CADPS: variants seen among roughly 807,000 people sequenced by gnomAD.
The protein encoded by CADPS is calcium dependent secretion activator.
In CADPS, 57 loss-of-function variants were observed where a neutral mutation model predicts 167.3. That is an observed-to-expected ratio of 0.34 (90% CI 0.28 to 0.42). CADPS has a LOEUF of 0.42. Ranked by LOEUF, CADPS falls within the 20% of genes least tolerant of loss-of-function variation. CADPS has a pLI of 1.00. For missense variants in CADPS, 1,414 were observed against 1,738.1 expected (o/e 0.81, Z 3.32); for synonymous variants, 676 against 635.3 (o/e 1.06, Z -0.96).
chr3:62,544,780 G>T lies in CADPS; in HGVS notation c.1966+5123C>A. ...TGAGGAAGATTTAAGGGGGAGGGAA[G>T]CACATTGCAGGTGTCAGATAATCTA... On this transcript the variant is annotated intron_variant, in intron 11 of 29. Transcript: ENST00000383710. This position sits in a 1 kb window ranked among gnomAD's most constrained non-coding sequence, Gnocchi z 4.4. 1 of 770,708 alleles carries T rather than the reference G, an allele frequency of 1.3e-6. No homozygotes were observed. The highest frequency in any genetic ancestry group is 1.7e-6 in the Non-Finnish European group (1 of 594,464). The allele number at this position is 770,708 out of a possible 1,614,324, so 47.7% of individuals were successfully genotyped here.
Position 62,836,746 on chromosome 3 carries a change from G to A in CADPS, c.441+37843C>T, listed in dbSNP as rs537639582. ...GCTTCATCCTGAAGGCTGTGGAGAA[G>A]CTTCTGAAGAATTTTAAACCAATAA... On this transcript the variant is annotated intron_variant, in intron 1 of 29. Coordinates refer to ENST00000383710, the MANE Select transcript of CADPS (RefSeq NM_003716.4). Among the ~76,000 whole-genome samples, 26 of 152,288 alleles carry A rather than the reference G, an allele frequency of 1.7e-4. No individual in the cohort carries two copies. The Middle Eastern group carries it at 0.01, about 60-fold the overall frequency.
At chr3:62,829,611 C>T (rs2074699954) in intron 1 of CADPS, among the ~76,000 whole-genome samples, 1 of 152,094 alleles carries the variant, frequency 6.6e-6, no homozygotes, top group Admixed American at 6.6e-5. Flanking sequence ...GACACTCTTC[C>T]AGGTGTAGTA....
chr3:62,658,096 T>C (rs989857021), intron 4 of CADPS, among the ~76,000 whole-genome samples: 17 of 152,004 alleles, frequency 1.1e-4, no homozygotes, highest in African/African-American at 3.9e-4. Context: ...TGTCCTGGAG[T>C]AACTTCCTGC....
intron 11 of CADPS, among the ~76,000 whole-genome samples, chr3:62,538,279 G>T (rs1260934057): frequency 1.3e-5 from 2 of 152,074 alleles, no homozygotes; most frequent in Non-Finnish European, 2.9e-5. Flanking sequence ...TGTTGCTCCT[G>T]GGAAAGCTAG....
At position 62,412,339 on chromosome 3, in the gene CADPS, G is replaced by T. The variant is rs2149263863; in HGVS notation, c.3778-9154C>A. Among the ~76,000 whole-genome samples the T allele has an allele frequency of 6.6e-6, 1 of 152,020 alleles. No homozygotes were observed. Among genetic ancestry groups the T allele is most frequent in the Middle Eastern group, 3.4e-3 (1 of 294 alleles). On this transcript the variant is annotated intron_variant, in intron 28 of 29. Transcript: ENST00000383710. This position sits in a 1 kb window ranked among gnomAD's most constrained non-coding sequence, Gnocchi z 4.1. ...GCTACAACCAGTTTCAGAGACTATGGCTTTCTATAACCTGCTGCTGAGAGA... is the reference window on the plus strand; with the variant it reads ...GCTACAACCAGTTTCAGAGACTATGTCTTTCTATAACCTGCTGCTGAGAGA...
intron 3 of CADPS, among the ~76,000 whole-genome samples, chr3:62,734,012 A>G (rs80284388): frequency 5.3e-5 from 8 of 152,306 alleles, no homozygotes; most frequent in African/African-American, 1.7e-4. Flanking sequence ...GTATATGTAC[A>G]ACATTTTCTT....
At chr3:62,607,352 T>A (rs1396392504) in intron 6 of CADPS, among the ~76,000 whole-genome samples, 1 of 152,190 alleles carries the variant, frequency 6.6e-6, no homozygotes, top group East Asian at 1.9e-4. Context: ...GGTTCCCGAA[T>A]AAGCAAGTGT....
intron 3 of CADPS, among the ~76,000 whole-genome samples, chr3:62,751,992 G>C (rs1194907398): frequency 6.6e-6 from 1 of 152,150 alleles, no homozygotes; most frequent in Non-Finnish European, 1.5e-5. Flanking sequence ...ATATGCATAA[G>C]CTGTTGCAAT....
chr3:62,538,425 C>T (rs188589083), intron 11 of CADPS, among the ~76,000 whole-genome samples: 61 of 152,196 alleles, frequency 4.0e-4, no homozygotes, highest in African/African-American at 1.1e-3. Flanking sequence ...ATAGACTCTG[C>T]CCTCTCACCT....
At position 62,478,467 on chromosome 3, in the gene CADPS, T is replaced by C; in HGVS notation, c.3174-51A>G. ...AGAGTCACCCACTGGCCTCAGGCTCTACAAAAACTAACACAGAGACAACTG... is the reference window on the plus strand; with the variant it reads ...AGAGTCACCCACTGGCCTCAGGCTCCACAAAAACTAACACAGAGACAACTG... On this transcript the variant is annotated intron_variant, in intron 22 of 29. Coordinates refer to ENST00000383710, the MANE Select transcript of CADPS (RefSeq NM_003716.4). This position sits in a 1 kb window ranked among gnomAD's most constrained non-coding sequence, Gnocchi z 5.7. The C allele has an allele frequency of 6.5e-7, 1 of 1,546,366 alleles. No individual in the cohort carries two copies. The highest frequency in any genetic ancestry group is 1.2e-5 in the South Asian group (1 of 86,042).
chr3:62,493,404 C>T (rs1429683354), intron 19 of CADPS, among the ~76,000 whole-genome samples: 1 of 152,138 alleles, frequency 6.6e-6, no homozygotes, highest in Non-Finnish European at 1.5e-5. Context: ...TCCCCCACAT[C>T]CCCATTCAAT....
At chr3:62,477,967 C>T (rs2061531681) in intron 23 of CADPS, 1 of 331,230 alleles carries the variant, frequency 3.0e-6, no homozygotes. Flanking sequence ...GTATTTTGTG[C>T]CAGACACTGC....
chr3:62,557,574 T>TC, intron 9 of CADPS, 61 bp from the exon 10 acceptor site: 4 of 1,263,354 alleles, frequency 3.2e-6, no homozygotes, highest in Non-Finnish European at 4.6e-6. Context: ...CAAAAAACCC[T>TC]CCCCCATGTT....
chr3:62,696,461 G>A (rs1325616030), intron 3 of CADPS, among the ~76,000 whole-genome samples: 3 of 151,926 alleles, frequency 2.0e-5, no homozygotes, highest in Non-Finnish European at 2.9e-5. Flanking sequence ...GACCCATAGG[G>A]CCCTGCCTCT....
At chr3:62,689,598 A>G (rs1306069090) in intron 3 of CADPS, among the ~76,000 whole-genome samples, 1 of 152,080 alleles carries the variant, frequency 6.6e-6, no homozygotes, top group Non-Finnish European at 1.5e-5. Context: ...GTTGTAGGGC[A>G]TAAAAAATTA....
chr3:62,613,578 T>C (rs1451470409), intron 6 of CADPS, among the ~76,000 whole-genome samples: 1 of 152,206 alleles, frequency 6.6e-6, no homozygotes, highest in Non-Finnish European at 1.5e-5. Flanking sequence ...AGAACCCTTT[T>C]TCCAAAGAGC....
At chr3:62,694,408 T>C (rs1461730252) in intron 3 of CADPS, among the ~76,000 whole-genome samples, 2 of 152,060 alleles carry the variant, frequency 1.3e-5, no homozygotes, top group African/African-American at 4.8e-5. Flanking sequence ...TTTTTAATTG[T>C]CTTTGTACTT....
chr3:62,483,931 G>C (rs2062410335), intron 21 of CADPS, among the ~76,000 whole-genome samples: 1 of 152,114 alleles, frequency 6.6e-6, no homozygotes, highest in African/African-American at 2.4e-5. Flanking sequence ...TGTCAATTCT[G>C]AGCAAATTAA....
chr3:62,570,506 G>A (rs1400076917), intron 9 of CADPS, among the ~76,000 whole-genome samples: 1 of 152,150 alleles, frequency 6.6e-6, no homozygotes, highest in Non-Finnish European at 1.5e-5. Flanking sequence ...CCCTCACTTG[G>A]CATGAGCTTG....
Sources: gnomAD v4.1 joint callset for allele counts (sites outside exome capture counted in the v4.1 genomes callset) on GRCh38, gnomAD v4.1.1 for gene constraint, Gnocchi (gnomAD v3.1) non-coding constraint, MANE v1.5 for transcripts, NCBI Gene and HGNC (gene_info 2026-07-23, HGNC 2026-07-21) for gene names.